The following ADGRG6 variants were observed in gnomAD, a reference collection of about 807,000 sequenced individuals.
ADGRG6 encodes adhesion G protein-coupled receptor G6.
Under a neutral mutation model 142.4 loss-of-function variants are expected in ADGRG6, and 84 were observed. The observed-to-expected ratio is 0.59, with a 90% CI of 0.49 to 0.71. ADGRG6 has a LOEUF of 0.71. Ranked by LOEUF, ADGRG6 falls within the 30% of genes least tolerant of loss-of-function variation. The probability of loss-of-function intolerance (pLI) is 0.00; values close to 1 mark genes in which losing one functional copy is unlikely to be tolerated. For synonymous variants in ADGRG6, 521 were observed against 520.5 expected, an observed-to-expected ratio of 1.00 and a Z score of -0.01; for missense variants, 1,367 against 1,466.6, an observed-to-expected ratio of 0.93 and a Z score of 1.11.
intron 2 of ADGRG6, among the ~76,000 whole-genome samples, chr6:142,321,959 C>T (rs113515940): frequency 6.6e-6 from 1 of 152,210 alleles, no homozygotes; most frequent in African/African-American, 2.4e-5. Context: ...TCGAGAATTA[C>T]GTGCTAGCTT....
At chr6:142,389,741 G>T (rs1453441525) in intron 6 of ADGRG6, among the ~76,000 whole-genome samples, 1 of 151,848 alleles carries the variant, frequency 6.6e-6, no homozygotes, top group African/African-American at 2.4e-5. Context: ...TAGTTTAATA[G>T]AAGTATTTTA....
intron 6 of ADGRG6, among the ~76,000 whole-genome samples, chr6:142,389,661 T>C (rs923095563): frequency 1.5e-4 from 23 of 151,940 alleles, no homozygotes; most frequent in Admixed American, 9.2e-4. Flanking sequence ...TTTCTTTTTT[T>C]CCCTCTATTT....
At chr6:142,364,925 T>C (rs1284070874) in intron 2 of ADGRG6, among the ~76,000 whole-genome samples, 1 of 152,144 alleles carries the variant, frequency 6.6e-6, no homozygotes, top group African/African-American at 2.4e-5. Context: ...AGGGAAGAAT[T>C]TGGCAAAGAT....
chr6:142,419,832 A>G lies in ADGRG6; in HGVS notation c.3047A>G (p.Gln1016Arg). 1 of 1,604,620 alleles carries G rather than the reference A, an allele frequency of 6.2e-7. No individual in the cohort carries two copies. Among genetic ancestry groups the G allele is most frequent in the African/African-American group, 1.3e-5 (1 of 74,576 alleles). The change falls in exon 22 of 25, where the codon CAA (glutamine) becomes CGA (arginine). Residue 1016 changes from glutamine to arginine, a missense_variant. Physicochemically the swap from Gln to Arg is conservative, Grantham distance 43. Around this residue, in one of 3 missense-constraint regions of ADGRG6, gnomAD observed 344 missense variants for 348.7 expected, o/e 0.99. Coordinates refer to ENST00000367609, the MANE Select transcript of ADGRG6 (RefSeq NM_198569.3). ...TCTTCTTTTTTAAGCTGTTGGATTC[A>G]AGATCCAGTCATATTTTATGTGACC... ...KEKGDEFCWIQDPVIFYVTCA... is the reference protein window; with the variant it reads ...KEKGDEFCWIRDPVIFYVTCA...
chr6:142,353,986 A>G (rs957767909), intron 2 of ADGRG6, among the ~76,000 whole-genome samples: 1 of 152,214 alleles, frequency 6.6e-6, no homozygotes, highest in South Asian at 2.1e-4. Context: ...AGTCAAGTAT[A>G]TGGAGACTTT....
At chr6:142,372,772 G>T (rs1451680072) in intron 4 of ADGRG6, among the ~76,000 whole-genome samples, 1 of 152,142 alleles carries the variant, frequency 6.6e-6, no homozygotes, top group Non-Finnish European at 1.5e-5. Context: ...GGACAGTGAA[G>T]AATAAGGAGA....
intron 18 of ADGRG6, among the ~76,000 whole-genome samples, chr6:142,413,984 A>G (rs1163827139): frequency 1.3e-5 from 2 of 151,660 alleles, no homozygotes; most frequent in Non-Finnish European, 2.9e-5. Flanking sequence ...CATTTTGATG[A>G]CAGTTAAAGG....
chr6:142,381,880 C>A, intron 4 of ADGRG6, 71 bp from the exon 5 acceptor site: 1 of 935,962 alleles, frequency 1.1e-6, no homozygotes, highest in Non-Finnish European at 1.7e-6. Context: ...ATTACATCAA[C>A]CGTATGATTT....
At chr6:142,315,645 A>T (rs1429853669) in intron 2 of ADGRG6, among the ~76,000 whole-genome samples, 1 of 152,004 alleles carries the variant, frequency 6.6e-6, no homozygotes, top group Admixed American at 6.6e-5. Context: ...AGCCTGGCCA[A>T]CATGGTGAAA....
chr6:142,305,429 TACAC>T (rs5880531), intron 1 of ADGRG6, among the ~76,000 whole-genome samples: 6,508 of 120,730 alleles, frequency 0.054, 204 homozygotes, highest in Middle Eastern at 0.074. Context: ...GCCCCTCCTG[TACAC>T]ACACACACAC....
At chr6:142,400,726 G>A in intron 11 of ADGRG6, 130 bp downstream of exon 11, 1 of 618,632 alleles carries the variant, frequency 1.6e-6, no homozygotes, top group Non-Finnish European at 2.9e-6. Flanking sequence ...GTGTATGCCT[G>A]TATCATTCAC....
intron 4 of ADGRG6, among the ~76,000 whole-genome samples, chr6:142,377,892 T>C (rs531421556): frequency 6.6e-6 from 1 of 152,340 alleles, no homozygotes; most frequent in African/African-American, 2.4e-5. Context: ...TTAATTAAAT[T>C]AGTCACTTGT....
intron 4 of ADGRG6, among the ~76,000 whole-genome samples, chr6:142,372,844 A>G (rs1339168989): frequency 6.6e-6 from 1 of 152,206 alleles, no homozygotes; most frequent in Non-Finnish European, 1.5e-5. Context: ...TCTTTTCACC[A>G]TAGACTGGGA....
At chr6:142,339,644 G>A (rs976681648) in intron 2 of ADGRG6, among the ~76,000 whole-genome samples, 1 of 152,124 alleles carries the variant, frequency 6.6e-6, no homozygotes, top group African/African-American at 2.4e-5. Context: ...TGTTACACTT[G>A]GCAATGATGA....
At position 142,359,283 on chromosome 6, in the gene ADGRG6, C is replaced by T. The variant is rs937945113; in HGVS notation, c.104-8286C>T. Reference sequence around the variant, plus strand: ...CCCCAAACTAAAACCTTTTTAGTTTCCCTACTGCTGTTGGTATACTTTCAT... The same window carrying T: ...CCCCAAACTAAAACCTTTTTAGTTTTCCTACTGCTGTTGGTATACTTTCAT... On this transcript the variant is annotated intron_variant, in intron 2 of 24. Transcript: ENST00000367609. 2.7e-5 allele frequency among the ~76,000 whole-genome samples: 4 copies of T among 150,632 alleles called. No homozygotes were observed. The East Asian group carries it at 7.8e-4, about 29-fold the overall frequency.
At chr6:142,407,914 T>C (rs747897627) in intron 15 of ADGRG6, among the ~76,000 whole-genome samples, 4 of 152,140 alleles carry the variant, frequency 2.6e-5, no homozygotes, top group Admixed American at 6.6e-5. Context: ...AAGAATGTAG[T>C]TTTATGAACT....
At chr6:142,375,177 T>C (rs891949389) in intron 4 of ADGRG6, among the ~76,000 whole-genome samples, 1 of 152,228 alleles carries the variant, frequency 6.6e-6, no homozygotes, top group African/African-American at 2.4e-5. Flanking sequence ...TCATAATTTC[T>C]TAAACTCTGT....
intron 2 of ADGRG6, among the ~76,000 whole-genome samples, chr6:142,330,133 C>A (rs369311124): frequency 6.6e-6 from 1 of 151,142 alleles, no homozygotes; most frequent in Admixed American, 6.6e-5. Context: ...GTTTTCTGTT[C>A]GTGTGTTAGT....
At chr6:142,437,079 G>A (rs534309577) in intron 22 of ADGRG6, among the ~76,000 whole-genome samples, 1 of 152,140 alleles carries the variant, frequency 6.6e-6, no homozygotes, top group Non-Finnish European at 1.5e-5. Context: ...AAATATGTAT[G>A]GAAAGTTTTA....
Sources: allele counts gnomAD v4.1 joint callset (sites outside exome capture counted in the v4.1 genomes callset), GRCh38; gene constraint gnomAD v4.1.1; regional missense constraint gnomAD v4.1.1; transcripts MANE v1.5; gene names NCBI Gene and HGNC (gene_info 2026-07-23, HGNC 2026-07-21).